PAPPA: variants seen among roughly 807,000 people sequenced by gnomAD.
The protein encoded by PAPPA is pappalysin 1.
In PAPPA, 60 loss-of-function variants were observed where a neutral mutation model predicts 164.0. The observed-to-expected ratio is 0.37, with a 90% CI of 0.30 to 0.45. PAPPA has a LOEUF of 0.45. Ranked by LOEUF, PAPPA falls within the 20% of genes least tolerant of loss-of-function variation. The probability of loss-of-function intolerance (pLI) is 1.00; values close to 1 mark genes in which losing one functional copy is unlikely to be tolerated. For missense variants in PAPPA, 1,782 were observed against 2,087.3 expected, an observed-to-expected ratio of 0.85 and a Z score of 2.85; for synonymous variants, 875 against 814.1, an observed-to-expected ratio of 1.07 and a Z score of -1.27.
chr9:116,154,238 C>A lies in PAPPA; in HGVS notation c.66C>A (p.Ala22=). Residue 22 remains alanine (A), a synonymous_variant, in exon 1 of 22, where the codon GCC becomes GCA. Coordinates refer to ENST00000328252, the MANE Select transcript of PAPPA (RefSeq NM_002581.5). The surrounding 1 kb of genome is among the most constrained non-coding windows in gnomAD (Gnocchi z 5.2). ...LLSAALGCGL[A]ERPRRARRDP... ...GCGCCGCGCTGGGCTGCGGGCTGGC[C>A]GAGCGTCCCCGCCGGGCCCGGAGAG... 7.1e-7 allele frequency: 1 copy of A among 1,411,642 alleles called. No individual in the cohort carries two copies. The highest frequency in any genetic ancestry group is 1.3e-5 in the South Asian group (1 of 78,098). 87.4% of individuals were successfully genotyped at this position (1,411,642 alleles called of 1,614,324 possible). A position where few individuals can be genotyped will look rare whatever the true frequency, so the allele number is the denominator to read the frequency against.
chr9:116,340,329 G>A (rs759973607), intron 13 of PAPPA, among the ~76,000 whole-genome samples: 1 of 152,202 alleles, frequency 6.6e-6, no homozygotes, highest in Non-Finnish European at 1.5e-5. Flanking sequence ...TTTTTGGACA[G>A]TGTGTTCACA....
At chr9:116,235,090 G>T (rs1209541063) in intron 6 of PAPPA, 49 bp from the exon 7 acceptor site, 12 of 1,610,298 alleles carry the variant, frequency 7.5e-6, no homozygotes, top group South Asian at 1.1e-5. Flanking sequence ...CTAAGGATGG[G>T]AATAAAGCTC....
At chr9:116,224,534 A>G (rs915929395) in intron 5 of PAPPA, among the ~76,000 whole-genome samples, 8 of 152,210 alleles carry the variant, frequency 5.3e-5, no homozygotes, top group Non-Finnish European at 7.3e-5. Context: ...ATGGTATATA[A>G]TAAGTACTAT....
At chr9:116,165,034 A>G (rs981139863) in intron 1 of PAPPA, among the ~76,000 whole-genome samples, 1 of 152,156 alleles carries the variant, frequency 6.6e-6, no homozygotes, top group Non-Finnish European at 1.5e-5. Flanking sequence ...GACGAGTACC[A>G]TTGACTGATA....
In PAPPA at chr9:116,377,606, T is replaced by C. The variant is rs993348963; in HGVS notation, c.4636T>C (p.Tyr1546His). The change falls in exon 20 of 22, where the codon TAT becomes CAT. Residue 1546 changes from tyrosine (Y) to histidine (H), a missense_variant. Physicochemically the swap from Tyr to His is moderately conservative, Grantham distance 83. Coordinates refer to ENST00000328252, the MANE Select transcript of PAPPA (RefSeq NM_002581.5). ...TGTCTGCACTGCTGGTCTCAAGTGGTATCCTCACCCTGCTCTGATTCACTG... is the reference window on the plus strand; with the variant it reads ...TGTCTGCACTGCTGGTCTCAAGTGGCATCCTCACCCTGCTCTGATTCACTG... ...RVVCTAGLKWYPHPALIHCVK... is the reference protein window; with the variant it reads ...RVVCTAGLKWHPHPALIHCVK... The C allele has an allele frequency of 1.2e-6, 2 of 1,613,816 alleles. No individual in the cohort carries two copies. The highest frequency in any genetic ancestry group is 4.5e-5 in the East Asian group (2 of 44,896).
At position 116,154,362 on chromosome 9, in the gene PAPPA, C is replaced by T. The variant is rs1022906831; in HGVS notation, c.190C>T (p.Pro64Ser). Residue 64 changes from proline (P) to serine (S), a missense_variant, in exon 1 of 22, where the codon CCG (proline) becomes TCG (serine). Physicochemically the swap from Pro to Ser is moderately conservative, Grantham distance 74. Transcript: ENST00000328252. The surrounding 1 kb of genome is among the most constrained non-coding windows in gnomAD (Gnocchi z 5.2). Reference sequence around the variant, plus strand: ...CCGCGCCTCGCCGCCGCCGCCGCCGCCGCCGGGCGGTGCCTGGGAAGCCGT... The same window carrying T: ...CCGCGCCTCGCCGCCGCCGCCGCCGTCGCCGGGCGGTGCCTGGGAAGCCGT... ...GRRASPPPPP[P>S]PGGAWEAVRV... The T allele has an allele frequency of 1.8e-5, 16 of 910,694 alleles. No homozygotes were observed. Among genetic ancestry groups the T allele is most frequent in the African/African-American group, 1.3e-4 (7 of 55,320 alleles). 56.4% of individuals were successfully genotyped at this position (910,694 alleles called of 1,614,324 possible).
chr9:116,257,375 T>C (rs781420146), intron 7 of PAPPA, among the ~76,000 whole-genome samples: 6 of 152,000 alleles, frequency 3.9e-5, no homozygotes, highest in East Asian at 1.9e-4. Context: ...AGTTTTGCCA[T>C]TGGTCTCCTA....
rs144634591 is a variant in PAPPA, at chr9:116,378,022, C to T, written c.4677+375C>T. 2.5e-3 allele frequency among the ~76,000 whole-genome samples: 385 copies of T among 152,244 alleles called. 4 individuals are homozygous for T. The highest frequency in any genetic ancestry group is 6.8e-3 in the South Asian group (33 of 4,818). On this transcript the variant is annotated intron_variant, in intron 20 of 21. Transcript: ENST00000328252. ...ATTTACCAACATTGTTACATTTAAC[C>T]TTTACAGAGTCAGGTGAGGTGGTTT... is the stretch of plus-strand genomic sequence containing the variant.
intron 1 of PAPPA, among the ~76,000 whole-genome samples, chr9:116,181,298 T>A (rs1434453527): frequency 6.6e-6 from 1 of 152,178 alleles, no homozygotes; most frequent in Admixed American, 6.5e-5. Context: ...GATCAAGGTG[T>A]CAGCCAGGTT....
intron 6 of PAPPA, 127 bp downstream of exon 6, chr9:116,227,679 C>T: frequency 2.9e-6 from 3 of 1,018,862 alleles, no homozygotes; most frequent in South Asian, 3.4e-5. Context: ...TAACATCATC[C>T]TGCAAGGTTA....
At chr9:116,257,267 G>A (rs1260278558) in intron 7 of PAPPA, among the ~76,000 whole-genome samples, 1 of 151,926 alleles carries the variant, frequency 6.6e-6, no homozygotes, top group East Asian at 1.9e-4. Context: ...TTAAAACCCT[G>A]TAAAATCAGA....
Position 116,398,698 on chromosome 9 carries a change from A to G in PAPPA, c.*2082A>G. ...TTTATGAGACTTGTACCATTTCACA[A>G]ACTCTGAAATTGGGTTCCATATTGG... is the stretch of plus-strand genomic sequence containing the variant. On this transcript the variant is annotated 3_prime_UTR_variant, in exon 22 of 22. Transcript: ENST00000328252. 2.1e-6 allele frequency: 1 copy of G among 485,244 alleles called. No homozygotes were observed. Among genetic ancestry groups the G allele is most frequent in the South Asian group, 1.5e-5 (1 of 65,056 alleles). The allele number at this position is 485,244 out of a possible 1,614,324, so 30.1% of individuals were successfully genotyped here.
intron 17 of PAPPA, among the ~76,000 whole-genome samples, chr9:116,357,293 A>G (rs1285081824): frequency 6.6e-6 from 1 of 152,264 alleles, no homozygotes; most frequent in Non-Finnish European, 1.5e-5. Flanking sequence ...AGCCATACTT[A>G]TACAGTGGCT....
chr9:116,200,982 C>T (rs576599233), intron 2 of PAPPA, among the ~76,000 whole-genome samples: 25 of 152,150 alleles, frequency 1.6e-4, no homozygotes, highest in African/African-American at 5.5e-4. Context: ...GGCTTCCATA[C>T]AAAATCTGTT....
intron 1 of PAPPA, among the ~76,000 whole-genome samples, chr9:116,157,419 C>T (rs1843617157): frequency 6.6e-6 from 1 of 152,142 alleles, no homozygotes; most frequent in Admixed American, 6.5e-5. Context: ...AAAGGGAAGG[C>T]TTATGCAGGC....
intron 7 of PAPPA, among the ~76,000 whole-genome samples, chr9:116,261,173 G>A (rs547376204): frequency 8.5e-5 from 13 of 152,300 alleles, no homozygotes; most frequent in East Asian, 3.9e-4. Flanking sequence ...TACGTAGTGC[G>A]TAGCATATAA....
At chr9:116,297,811 C>T (rs1217313165) in intron 9 of PAPPA, among the ~76,000 whole-genome samples, 1 of 152,188 alleles carries the variant, frequency 6.6e-6, no homozygotes, top group East Asian at 1.9e-4. Context: ...TCATTATCAT[C>T]ATTGTTAAGA....
At chr9:116,184,904 T>C (rs890420398) in intron 1 of PAPPA, among the ~76,000 whole-genome samples, 3 of 152,180 alleles carry the variant, frequency 2.0e-5, no homozygotes, top group Admixed American at 6.5e-5. Flanking sequence ...GTTACTGGAA[T>C]GACACAGACA....
At chr9:116,176,794 A>T (rs1294519245) in intron 1 of PAPPA, among the ~76,000 whole-genome samples, 2 of 152,208 alleles carry the variant, frequency 1.3e-5, no homozygotes, top group South Asian at 4.1e-4. Context: ...GTGCATGAAC[A>T]TACACACAAG....
Sources: allele counts gnomAD v4.1 joint callset (sites outside exome capture counted in the v4.1 genomes callset), GRCh38; gene constraint gnomAD v4.1.1; non-coding constraint Gnocchi (gnomAD v3.1); transcripts MANE v1.5; gene names NCBI Gene and HGNC (gene_info 2026-07-23, HGNC 2026-07-21).